USP8: variants seen among roughly 807,000 people sequenced by gnomAD.
USP8 encodes ubiquitin carboxyl-terminal hydrolase 8.
A neutral mutation model predicts 130.0 loss-of-function variants in USP8; 27 were observed. The observed-to-expected ratio is 0.21, with a 90% CI of 0.15 to 0.29. The LOEUF is 0.29. Ranked by LOEUF, USP8 falls within the 10% of genes least tolerant of loss-of-function variation. The pLI, the probability that USP8 is intolerant of heterozygous loss-of-function variation, is 1.00. For synonymous variants in USP8, 392 were observed against 444.1 expected, an observed-to-expected ratio of 0.88 and a Z score of 1.48; for missense variants, 1,029 against 1,312.2, an observed-to-expected ratio of 0.78 and a Z score of 3.33.
At chr15:50,474,283 G>A (rs1230952530) in intron 8 of USP8, among the ~76,000 whole-genome samples, 12 of 152,174 alleles carry the variant, frequency 7.9e-5, no homozygotes, top group Admixed American at 5.9e-4. Context: ...TATTACAGGT[G>A]TGAGCCACCA....
chr15:50,432,725 A>G (rs958933669), intron 1 of USP8, among the ~76,000 whole-genome samples: 4 of 152,144 alleles, frequency 2.6e-5, no homozygotes, highest in Non-Finnish European at 4.4e-5. Context: ...AACTGAAACA[A>G]TTTTACGAAG....
intron 1 of USP8, among the ~76,000 whole-genome samples, chr15:50,430,885 A>G (rs1298365681): frequency 6.6e-6 from 1 of 152,206 alleles, no homozygotes; most frequent in Non-Finnish European, 1.5e-5. Context: ...CTTCCAGGAC[A>G]CATTCGGCAA....
intron 4 of USP8, among the ~76,000 whole-genome samples, chr15:50,452,936 A>G (rs920034414): frequency 2.0e-5 from 3 of 152,234 alleles, no homozygotes; most frequent in Non-Finnish European, 4.4e-5. Flanking sequence ...GAGGCAAGGT[A>G]AAACAGTTGC....
At position 50,500,739 on chromosome 15, in the gene USP8, C is replaced by A. The variant is rs535476757; in HGVS notation, c.*1651C>A. 1.0e-5 allele frequency: 16 copies of A among 1,564,470 alleles called. No homozygotes were observed. The South Asian group carries it at 1.6e-4, about 16-fold the overall frequency. On this transcript the variant is annotated 3_prime_UTR_variant, in exon 20 of 20. Coordinates refer to ENST00000307179, the MANE Select transcript of USP8 (RefSeq NM_005154.5). The stretch of plus-strand genomic sequence containing the variant: ...CATTTTGAACAGAAGTATCTGGAAT[C>A]TCACTGACTCGTGTGTTATCAAAGC...
intron 1 of USP8, among the ~76,000 whole-genome samples, chr15:50,433,198 C>T (rs1039602915): frequency 2.0e-5 from 3 of 151,528 alleles, no homozygotes; most frequent in African/African-American, 7.3e-5. Context: ...CATGCCACTG[C>T]ACTCCAGCTT....
At chr15:50,481,437 C>T (rs375314684) in intron 10 of USP8, 44 bp from the exon 11 acceptor site, 9 of 1,403,924 alleles carry the variant, frequency 6.4e-6, no homozygotes, top group African/African-American at 2.9e-5. Flanking sequence ...AGGTTATTTC[C>T]TGATTTTTGA....
At chr15:50,474,825 A>G (rs184011270) in intron 8 of USP8, among the ~76,000 whole-genome samples, 1 of 152,210 alleles carries the variant, frequency 6.6e-6, no homozygotes, top group Non-Finnish European at 1.5e-5. Flanking sequence ...GACTGTGTTT[A>G]TGGCTGGCCG....
At chr15:50,449,611 GCTGT>G (rs1396225539) in intron 4 of USP8, 126 bp downstream of exon 4, 8 of 557,194 alleles carry the variant, frequency 1.4e-5, no homozygotes, top group Admixed American at 4.1e-5. Context: ...AGAGTCTCGC[GCTGT>G]CTGTCGCCCA....
Position 50,509,357 on chromosome 15 carries a change from T to A in USP8, c.*10269T>A, listed in dbSNP as rs369994193. Reference sequence around the variant, plus strand: ...GACGTCAATAGTAAGATTTAGAGAATAAGAGACAAGGCGGCCGGGCGCGGT... The same window carrying A: ...GACGTCAATAGTAAGATTTAGAGAAAAAGAGACAAGGCGGCCGGGCGCGGT... On this transcript the variant is annotated 3_prime_UTR_variant, in exon 20 of 20. Transcript: ENST00000307179. 6.7e-6 allele frequency: 1 copy of A among 148,720 alleles called. No homozygotes were observed. The highest frequency in any genetic ancestry group is 2.1e-4 in the East Asian group (1 of 4,850). The allele number at this position is 148,720 out of a possible 1,614,324, so 9.2% of individuals were successfully genotyped here.
intron 15 of USP8, chr15:50,493,447 A>G (rs1416057539): frequency 1.9e-6 from 1 of 519,004 alleles, no homozygotes; most frequent in Non-Finnish European, 3.8e-6. Context: ...AGGGGAAAAT[A>G]TCTTTATCCT....
intron 1 of USP8, among the ~76,000 whole-genome samples, chr15:50,431,191 A>G (rs190780832): frequency 0.012 from 189 of 15,486 alleles, no homozygotes; most frequent in African/African-American, 0.036. Context: ...GTGTGTGTGT[A>G]AGCAAGAGAA....
intron 13 of USP8, 103 bp from the exon 14 acceptor site, chr15:50,490,160 A>T (rs2141316775): frequency 7.9e-7 from 1 of 1,260,050 alleles, no homozygotes; most frequent in Non-Finnish European, 1.1e-6. Context: ...GAATTATTTT[A>T]ATCCAAAAGT....
In USP8 at chr15:50,510,408, A is replaced by G. The variant is rs533454435; in HGVS notation, c.*11320A>G. ...CTTGATTGTCAGCAATTACAATAAG[A>G]TACAACAACCAAATGCAGTTTGTGA... On this transcript the variant is annotated 3_prime_UTR_variant, in exon 20 of 20. Transcript: ENST00000307179. 1.3e-5 allele frequency: 2 copies of G among 152,314 alleles called. No homozygotes were observed. The highest frequency in any genetic ancestry group is 2.4e-5 in the African/African-American group (1 of 41,578). 9.4% of individuals were successfully genotyped at this position (152,314 alleles called of 1,614,324 possible). A position where few individuals can be genotyped will look rare whatever the true frequency, so the allele number is the denominator to read the frequency against.
intron 6 of USP8, among the ~76,000 whole-genome samples, chr15:50,463,853 C>CA (rs1293131116): frequency 6.6e-6 from 1 of 152,152 alleles, no homozygotes; most frequent in African/African-American, 2.4e-5. Context: ...TCTTTCACTT[C>CA]AGTAGAGCTA....
intron 10 of USP8, among the ~76,000 whole-genome samples, chr15:50,480,269 T>A (rs1401535496): frequency 6.6e-6 from 1 of 152,180 alleles, no homozygotes; most frequent in Non-Finnish European, 1.5e-5. Flanking sequence ...ACTTAGGTAG[T>A]TTATTACACA....
chr15:50,429,037 G>A (rs1321951568), intron 1 of USP8, among the ~76,000 whole-genome samples: 2 of 152,138 alleles, frequency 1.3e-5, no homozygotes, highest in Non-Finnish European at 2.9e-5. Context: ...TCACAGACTG[G>A]GCGAAGTGAG....
intron 2 of USP8, among the ~76,000 whole-genome samples, chr15:50,440,868 G>A (rs2050232695): frequency 6.6e-6 from 1 of 152,018 alleles, no homozygotes; most frequent in Non-Finnish European, 1.5e-5. Context: ...CAGGCATGGT[G>A]GTACACTCCT....
chr15:50,484,941 A>G (rs2051901579), intron 12 of USP8, among the ~76,000 whole-genome samples: 1 of 152,168 alleles, frequency 6.6e-6, no homozygotes, highest in Non-Finnish European at 1.5e-5. Flanking sequence ...AGGCAAATGT[A>G]TAGAGACAGA....
At chr15:50,435,607 G>A (rs559477592) in intron 1 of USP8, among the ~76,000 whole-genome samples, 13 of 152,146 alleles carry the variant, frequency 8.5e-5, no homozygotes, top group African/African-American at 2.2e-4. Context: ...CTGCAGAAAC[G>A]TGTGTGATTG....
Sources: allele counts gnomAD v4.1 joint callset (sites outside exome capture counted in the v4.1 genomes callset), GRCh38; gene constraint gnomAD v4.1.1; transcripts MANE v1.5; gene names NCBI Gene and HGNC (gene_info 2026-07-23, HGNC 2026-07-21).